Variants in GPAT3 observed in about 807,000 individuals in gnomAD.
The protein encoded by GPAT3 is glycerol-3-phosphate acyltransferase 3.
GPAT3 carries 53 observed loss-of-function variants against 58.8 expected under a neutral mutation model. The ratio of observed to expected loss-of-function variants is 0.90; its 90% CI spans 0.72 to 1.13. The LOEUF (loss-of-function observed/expected upper bound fraction) is 1.13, where lower values mean the gene tolerates loss of function less well. GPAT3 is among the 50% of genes most tolerant of loss of function. GPAT3 has a pLI of 0.00. For synonymous variants in GPAT3, 197 were observed against 187.4 expected (o/e 1.05, Z -0.42); for missense variants, 511 against 527.6 (o/e 0.97, Z 0.31).
At position 83,550,266 on chromosome 4, in the gene GPAT3, C is replaced by G. The variant is rs756716296; in HGVS notation, c.208+5664C>G. On this transcript the variant is annotated intron_variant, in intron 2 of 11. Transcript: ENST00000264409. ...CAGGCTGGTCTTGAACTCCTGGGCT[C>G]AAGCAATCCATCTGCATCCGTCTCC... Among the ~76,000 whole-genome samples, 305 of 152,166 alleles carry G rather than the reference C, an allele frequency of 2.0e-3. 1 individual carries two copies. Among genetic ancestry groups the G allele is most frequent in the Non-Finnish European group, 2.0e-3 (139 of 68,002 alleles).
At chr4:83,581,444 C>T (rs951509065) in intron 2 of GPAT3, 118 bp from the exon 3 acceptor site, 14 of 1,086,314 alleles carry the variant, frequency 1.3e-5, no homozygotes, top group Middle Eastern at 2.1e-4. Flanking sequence ...TGGCTGATGT[C>T]ACCCATTAAA....
At chr4:83,595,069 A>G in intron 7 of GPAT3, 109 bp downstream of exon 7, 5 of 893,134 alleles carry the variant, frequency 5.6e-6, no homozygotes, top group Non-Finnish European at 8.7e-6. Flanking sequence ...ACTGAAACAG[A>G]GCCCTGTTTG....
At chr4:83,598,245 G>T (rs1726924166) in intron 10 of GPAT3, 66 bp downstream of exon 10, 6 of 1,567,014 alleles carry the variant, frequency 3.8e-6, no homozygotes, top group East Asian at 2.3e-5. Flanking sequence ...GAAAATCTGG[G>T]TGTCTCCCTT....
chr4:83,575,666 G>A (rs553239752), intron 2 of GPAT3, among the ~76,000 whole-genome samples: 2 of 152,132 alleles, frequency 1.3e-5, no homozygotes, highest in Non-Finnish European at 2.9e-5. Flanking sequence ...CACCCGCCTC[G>A]GCCTCCCACA....
At chr4:83,567,333 T>A (rs947117431) in intron 2 of GPAT3, among the ~76,000 whole-genome samples, 2 of 152,222 alleles carry the variant, frequency 1.3e-5, no homozygotes, top group African/African-American at 4.8e-5. Flanking sequence ...ATTCTTGTTT[T>A]GTTACTTTAA....
At chr4:83,536,947 T>A (rs186137408) in intron 1 of GPAT3, among the ~76,000 whole-genome samples, 184 bp downstream of exon 1, 403 of 152,306 alleles carry the variant, frequency 2.6e-3, no homozygotes, top group Admixed American at 5.0e-3. Flanking sequence ...TTCGCGGAGC[T>A]GGAGGGATCT....
chr4:83,560,892 G>GC (rs1339319677), intron 2 of GPAT3, among the ~76,000 whole-genome samples: 33 of 152,116 alleles, frequency 2.2e-4, no homozygotes, highest in African/African-American at 7.7e-4. Context: ...TTTGCCTTCT[G>GC]CCATGATTGT....
intron 2 of GPAT3, among the ~76,000 whole-genome samples, chr4:83,579,025 T>C (rs1162210795): frequency 7.5e-4 from 12 of 16,074 alleles, no homozygotes; most frequent in Admixed American, 4.7e-3. Flanking sequence ...TCCCTTTCTT[T>C]CTTTCTTTCT....
intron 2 of GPAT3, among the ~76,000 whole-genome samples, chr4:83,549,166 G>GAAAA (rs36115990): frequency 6.9e-4 from 89 of 128,066 alleles, no homozygotes; most frequent in Non-Finnish European, 7.9e-4. Flanking sequence ...AGACCCATCT[G>GAAAA]AAAAAAAAAA....
intron 2 of GPAT3, among the ~76,000 whole-genome samples, chr4:83,572,866 A>G (rs1725655550): frequency 6.6e-6 from 1 of 152,216 alleles, no homozygotes; most frequent in South Asian, 2.1e-4. Flanking sequence ...TCTTAACTTA[A>G]CTAATGGCTT....
chr4:83,537,625 G>GTATATATA (rs59505718), intron 1 of GPAT3, among the ~76,000 whole-genome samples: 4 of 147,582 alleles, frequency 2.7e-5, no homozygotes, highest in African/African-American at 1.0e-4. Flanking sequence ...GTGTGTGTGT[G>GTATATATA]TATATTTAAC....
intron 3 of GPAT3, 86 bp downstream of exon 3, chr4:83,581,918 G>A (rs1726151169): frequency 2.0e-6 from 3 of 1,507,464 alleles, no homozygotes; most frequent in African/African-American, 1.4e-5. Flanking sequence ...TAAGTGTTCT[G>A]TGGTGCTTAT....
Position 83,598,129 on chromosome 4 carries a change from A to G in GPAT3, c.1075A>G (p.Ser359Gly). 2 of 1,613,818 alleles carry G rather than the reference A, an allele frequency of 1.2e-6. No individual in the cohort carries two copies. The highest frequency in any genetic ancestry group is 2.2e-5 in the East Asian group (1 of 44,866). ...MVSYLLRMMTSWAIVCDVWYM... is the reference protein window; with the variant it reads ...MVSYLLRMMTGWAIVCDVWYM... ...GAGCTACCTGCTTCGAATGATGACCAGCTGGGCCATCGTCTGTGACGTGTG... is the reference window on the plus strand; with the variant it reads ...GAGCTACCTGCTTCGAATGATGACCGGCTGGGCCATCGTCTGTGACGTGTG... The change falls in exon 10 of 12, where the codon AGC becomes GGC. Residue 359 changes from serine (S) to glycine (G), a missense_variant. Transcript: ENST00000264409.
intron 1 of GPAT3, among the ~76,000 whole-genome samples, chr4:83,538,165 G>A (rs1724171973): frequency 6.6e-6 from 1 of 152,036 alleles, no homozygotes; most frequent in African/African-American, 2.4e-5. Context: ...AGCTAATTGG[G>A]TGGCTCCCAG....
chr4:83,579,045 T>G (rs796973493), intron 2 of GPAT3, among the ~76,000 whole-genome samples: 1 of 40,670 alleles, frequency 2.5e-5, no homozygotes, highest in African/African-American at 1.3e-4. Flanking sequence ...TTTCTTTCTT[T>G]CTTTCTTTCT....
intron 11 of GPAT3, among the ~76,000 whole-genome samples, chr4:83,599,865 G>GT (rs1240761556): frequency 1.3e-5 from 2 of 151,956 alleles, no homozygotes; most frequent in Non-Finnish European, 2.9e-5. Context: ...TATAGACTAT[G>GT]TTTTTTTCTA....
chr4:83,542,926 A>C (rs747505959), intron 1 of GPAT3, among the ~76,000 whole-genome samples: 4 of 152,102 alleles, frequency 2.6e-5, no homozygotes, highest in Non-Finnish European at 5.9e-5. Context: ...TGAACCCTGG[A>C]GGTGGAGATT....
chr4:83,559,231 G>GT (rs1293397874), intron 2 of GPAT3, among the ~76,000 whole-genome samples: 4 of 152,090 alleles, frequency 2.6e-5, no homozygotes, highest in South Asian at 2.1e-4. Context: ...TTAAATGTCT[G>GT]TTTATTTTTA....
chr4:83,551,698 A>G (rs1724755791), intron 2 of GPAT3, among the ~76,000 whole-genome samples: 1 of 150,682 alleles, frequency 6.6e-6, no homozygotes, highest in African/African-American at 2.4e-5. Flanking sequence ...AGGCTGAGGC[A>G]GGAGAATCGC....
Sources: allele counts gnomAD v4.1 joint callset (sites outside exome capture counted in the v4.1 genomes callset), GRCh38; gene constraint gnomAD v4.1.1; transcripts MANE v1.5; gene names NCBI Gene and HGNC (gene_info 2026-07-23, HGNC 2026-07-21).